NEO1: variants seen among roughly 807,000 people sequenced by gnomAD.
The protein encoded by NEO1 is neogenin 1.
NEO1 carries 63 observed loss-of-function variants against 159.7 expected under a neutral mutation model. The ratio of observed to expected loss-of-function variants is 0.39; its 90% CI spans 0.32 to 0.49. The LOEUF (loss-of-function observed/expected upper bound fraction) is 0.49. Ranked by LOEUF, NEO1 falls within the 20% of genes least tolerant of loss-of-function variation. The pLI is 0.85. For missense variants in NEO1, 1,615 were observed against 1,831.0 expected (o/e 0.88, Z 2.15); for synonymous variants, 633 against 662.0 (o/e 0.96, Z 0.67).
chr15:73,071,287 A>G (rs1177129134), intron 1 of NEO1, among the ~76,000 whole-genome samples: 1 of 152,162 alleles, frequency 6.6e-6, no homozygotes, highest in Non-Finnish European at 1.5e-5. Flanking sequence ...ATCATTACAC[A>G]TCTACTGAGA....
At chr15:73,165,250 G>A (rs2034491701) in intron 5 of NEO1, among the ~76,000 whole-genome samples, 1 of 152,118 alleles carries the variant, frequency 6.6e-6, no homozygotes, top group African/African-American at 2.4e-5. Context: ...AATATGAATA[G>A]TATTTCTCTC....
At chr15:73,135,037 A>G (rs2031588039) in intron 4 of NEO1, among the ~76,000 whole-genome samples, 2 of 152,198 alleles carry the variant, frequency 1.3e-5, no homozygotes, top group Admixed American at 1.3e-4. Flanking sequence ...AGTGACTTTT[A>G]AAGTGGCAGC....
intron 16 of NEO1, 64 bp downstream of exon 16, chr15:73,266,475 A>T: frequency 7.9e-7 from 1 of 1,272,768 alleles, no homozygotes; most frequent in Non-Finnish European, 1.1e-6. Context: ...GAATATTGGC[A>T]TGAGGCCTAT....
In NEO1 at chr15:73,304,699, A is replaced by G. The variant is rs2042723422; in HGVS notation, c.*2003A>G. 1 of 151,604 alleles carries G rather than the reference A, an allele frequency of 6.6e-6. No individual in the cohort carries two copies. The highest frequency in any genetic ancestry group is 1.5e-5 in the Non-Finnish European group (1 of 67,966). The allele number at this position is 151,604 out of a possible 1,614,324, so 9.4% of individuals were successfully genotyped here. On this transcript the variant is annotated 3_prime_UTR_variant, in exon 29 of 29. Coordinates refer to ENST00000261908, the MANE Select transcript of NEO1 (RefSeq NM_002499.4). ...AGGAGGGCCAGATTCCCCAGAAACT[A>G]CCTTTTGCCCAAAGAACATGCTCAG...
chr15:73,263,666 G>A (rs1391070396), intron 15 of NEO1, among the ~76,000 whole-genome samples: 1 of 151,736 alleles, frequency 6.6e-6, no homozygotes, highest in African/African-American at 2.4e-5. Context: ...CATTCAGATC[G>A]TTTCTTTGTA....
intron 1 of NEO1, among the ~76,000 whole-genome samples, chr15:73,091,943 C>T (rs930868768): frequency 3.9e-5 from 6 of 151,980 alleles, no homozygotes; most frequent in African/African-American, 1.5e-4. Flanking sequence ...TGTATTCTTT[C>T]ATGTGACAGT....
At chr15:73,283,160 G>C (rs926104684) in intron 23 of NEO1, 49 bp downstream of exon 23, 1 of 1,604,158 alleles carries the variant, frequency 6.2e-7, no homozygotes, top group Non-Finnish European at 8.5e-7. Context: ...CTTATCTTTT[G>C]CTTCCATGTG....
chr15:73,090,941 C>T (rs2069655681), intron 1 of NEO1, among the ~76,000 whole-genome samples: 1 of 152,066 alleles, frequency 6.6e-6, no homozygotes, highest in African/African-American at 2.4e-5. Flanking sequence ...CTTAATCCTC[C>T]CAATTGCGTT....
intron 1 of NEO1, among the ~76,000 whole-genome samples, chr15:73,105,556 A>G (rs906891277): frequency 2.0e-5 from 3 of 152,174 alleles, no homozygotes; most frequent in East Asian, 3.8e-4. Flanking sequence ...ATATTCTCCA[A>G]ATGTTTTTTG....
At chr15:73,110,810 C>T (rs566526440) in intron 1 of NEO1, among the ~76,000 whole-genome samples, 1 of 152,138 alleles carries the variant, frequency 6.6e-6, no homozygotes, top group Non-Finnish European at 1.5e-5. Flanking sequence ...GGAGTCAGGT[C>T]CCTGGGGAGA....
intron 21 of NEO1, among the ~76,000 whole-genome samples, chr15:73,277,193 TA>T (rs2041461682): frequency 6.6e-6 from 1 of 152,260 alleles, no homozygotes; most frequent in Admixed American, 6.5e-5. Flanking sequence ...ACCTCATAGT[TA>T]ACTTCATAAA....
At chr15:73,052,417 C>A (rs1412751425), upstream of NEO1, 2 of 82,662 alleles carry the variant, frequency 2.4e-5, no homozygotes, top group Non-Finnish European at 6.5e-5. Flanking sequence ...CCACCGCCCC[C>A]CCCCCCCCGC....
chr15:73,241,997 A>G (rs148307831), intron 8 of NEO1, among the ~76,000 whole-genome samples: 227 of 152,286 alleles, frequency 1.5e-3, no homozygotes, highest in African/African-American at 5.1e-3. Flanking sequence ...TATTCATTCA[A>G]TGTATGTTTG....
At chr15:73,100,838 A>G (rs909642678) in intron 1 of NEO1, among the ~76,000 whole-genome samples, 5 of 152,054 alleles carry the variant, frequency 3.3e-5, no homozygotes, top group African/African-American at 1.2e-4. Flanking sequence ...GCTCTCTTCC[A>G]TTCTTGCCAC....
At chr15:73,231,576 T>C (rs1342245332) in intron 7 of NEO1, among the ~76,000 whole-genome samples, 1 of 152,008 alleles carries the variant, frequency 6.6e-6, no homozygotes, top group African/African-American at 2.4e-5. Flanking sequence ...CTACTAAAAG[T>C]ACAAAAAATT....
At chr15:73,194,245 G>T (rs1241720353) in intron 7 of NEO1, among the ~76,000 whole-genome samples, 1 of 152,210 alleles carries the variant, frequency 6.6e-6, no homozygotes, top group Admixed American at 6.5e-5. Context: ...CAAATCAGAT[G>T]TGATGTTTAA....
At chr15:73,254,640 T>C (rs1315814460) in intron 12 of NEO1, 42 bp from the exon 13 acceptor site, 2 of 1,522,048 alleles carry the variant, frequency 1.3e-6, no homozygotes, top group Non-Finnish European at 1.8e-6. Flanking sequence ...GACCAAGCTT[T>C]TGATATATTC....
At chr15:73,130,308 G>GC (rs71281951) in intron 4 of NEO1, among the ~76,000 whole-genome samples, 43,299 of 146,026 alleles carry the variant, frequency 0.3, 7,539 homozygotes, top group Admixed American at 0.39. Flanking sequence ...TCAGTTTCCC[G>GC]CCCCCCCCGC....
intron 7 of NEO1, among the ~76,000 whole-genome samples, chr15:73,230,627 A>G (rs139332199): frequency 5.1e-4 from 77 of 152,250 alleles, no homozygotes; most frequent in African/African-American, 1.7e-3. Context: ...GAGTCTCACA[A>G]TCACCCAGGC....
Sources: gnomAD v4.1 joint callset for allele counts (sites outside exome capture counted in the v4.1 genomes callset) on GRCh38, gnomAD v4.1.1 for gene constraint, MANE v1.5 for transcripts, NCBI Gene and HGNC (gene_info 2026-07-23, HGNC 2026-07-21) for gene names.